The following SGCG variants were observed in gnomAD, a reference collection of about 807,000 sequenced individuals.
SGCG encodes the protein sarcoglycan gamma.
Under a neutral mutation model 29.3 loss-of-function variants are expected in SGCG, and 26 were observed. That is an observed-to-expected ratio of 0.89 (90% CI 0.65 to 1.23). SGCG has a LOEUF of 1.23. SGCG is among the 50% of genes most tolerant of loss of function. The pLI, the probability that SGCG is intolerant of heterozygous loss-of-function variation, is 0.00. For missense variants in SGCG, 353 were observed against 356.0 expected, an observed-to-expected ratio of 0.99 and a Z score of 0.07; for synonymous variants, 145 against 129.7, an observed-to-expected ratio of 1.12 and a Z score of -0.80.
At chr13:23,251,757 AC>A (rs2137570713) in intron 4 of SGCG, among the ~76,000 whole-genome samples, 1 of 152,236 alleles carries the variant, frequency 6.6e-6, no homozygotes, top group African/African-American at 2.4e-5. Flanking sequence ...AATAAGAATA[AC>A]GAAGATATAT....
chr13:23,256,706 ACTCATC>A (rs1319635941), intron 4 of SGCG, among the ~76,000 whole-genome samples: 4 of 152,084 alleles, frequency 2.6e-5, no homozygotes, highest in Non-Finnish European at 5.9e-5. Flanking sequence ...AAGGACATGA[ACTCATC>A]CTTTTTTATG....
intron 6 of SGCG, among the ~76,000 whole-genome samples, chr13:23,311,630 G>T (rs865822900): frequency 5.9e-5 from 9 of 152,306 alleles, no homozygotes; most frequent in Non-Finnish European, 1.0e-4. Context: ...AGGCTGACAT[G>T]TGCTACTTAT....
the SGCG span, among the ~76,000 whole-genome samples, chr13:23,166,769 T>C: frequency 0.22 from 32,823 of 152,092 alleles, 4,168 homozygotes; most frequent in Middle Eastern, 0.35. Context: ...AAACCTTTTT[T>C]ATTTGTAAGG....
chr13:23,279,172 A>G (rs896257148), intron 4 of SGCG, among the ~76,000 whole-genome samples, 187 bp from the exon 5 acceptor site: 3 of 152,208 alleles, frequency 2.0e-5, no homozygotes, highest in Non-Finnish European at 4.4e-5. Flanking sequence ...ATTAATTTTA[A>G]TAATACAATA....
At chr13:23,285,627 T>C (rs1881468063) in intron 5 of SGCG, among the ~76,000 whole-genome samples, 1 of 152,154 alleles carries the variant, frequency 6.6e-6, no homozygotes, top group African/African-American at 2.4e-5. Flanking sequence ...TGGTTCTGTC[T>C]TGCTGGCATT....
At chr13:23,210,670 G>A (rs1021365359) in intron 2 of SGCG, among the ~76,000 whole-genome samples, 7 of 152,206 alleles carry the variant, frequency 4.6e-5, no homozygotes, top group East Asian at 1.9e-4. Flanking sequence ...CAGCCTGGGC[G>A]ACAGAGCAAG....
chr13:23,262,141 G>T (rs901189700), intron 4 of SGCG, among the ~76,000 whole-genome samples: 1 of 151,838 alleles, frequency 6.6e-6, no homozygotes, highest in African/African-American at 2.4e-5. Context: ...ATGATAACTC[G>T]AACAGTACCT....
chr13:23,220,811 G>C (rs1878629095), intron 2 of SGCG, among the ~76,000 whole-genome samples: 3 of 152,162 alleles, frequency 2.0e-5, no homozygotes, highest in Non-Finnish European at 2.9e-5. Context: ...AAAGGGGAGT[G>C]AGTTAGTCTC....
intron 6 of SGCG, among the ~76,000 whole-genome samples, chr13:23,317,910 T>G (rs183308666): frequency 6.6e-6 from 1 of 152,284 alleles, no homozygotes; most frequent in African/African-American, 2.4e-5. Flanking sequence ...GAGATTATCA[T>G]TGGAGTTAGT....
At chr13:23,178,918 C>T (rs1876641282), upstream of SGCG, among the ~76,000 whole-genome samples, 1 of 152,084 alleles carries the variant, frequency 6.6e-6, no homozygotes, top group South Asian at 2.1e-4. Context: ...TAACTGATGA[C>T]TGCAGTAGTC....
At chr13:23,293,929 AT>A (rs1340335383) in intron 5 of SGCG, among the ~76,000 whole-genome samples, 4 of 152,248 alleles carry the variant, frequency 2.6e-5, no homozygotes, top group African/African-American at 9.6e-5. Context: ...TACCCAGGCA[AT>A]TTTTCTTCAG....
chr13:23,191,308 C>T (rs1025496236), intron 1 of SGCG, among the ~76,000 whole-genome samples: 1 of 151,954 alleles, frequency 6.6e-6, no homozygotes, highest in Admixed American at 6.5e-5. Context: ...TTTAGTAAGA[C>T]CTCAGACTGG....
chr13:23,261,357 A>G (rs1465761188), intron 4 of SGCG, among the ~76,000 whole-genome samples: 1 of 152,086 alleles, frequency 6.6e-6, no homozygotes, highest in Non-Finnish European at 1.5e-5. Context: ...AGGGAACTAT[A>G]AAATGCAGTG....
chr13:23,178,633 AC>A (rs1233607216), upstream of SGCG, among the ~76,000 whole-genome samples: 6 of 152,166 alleles, frequency 3.9e-5, no homozygotes, highest in Non-Finnish European at 5.9e-5. Flanking sequence ...TCAATTGACA[AC>A]CCAAATCATT....
intron 4 of SGCG, among the ~76,000 whole-genome samples, chr13:23,275,570 A>G (rs1223996360): frequency 6.6e-6 from 1 of 152,020 alleles, no homozygotes; most frequent in African/African-American, 2.4e-5. Flanking sequence ...GCATATGATT[A>G]TCAGGGACAT....
At chr13:23,292,119 C>T (rs80023373) in intron 5 of SGCG, among the ~76,000 whole-genome samples, 11 of 147,464 alleles carry the variant, frequency 7.5e-5, no homozygotes, top group East Asian at 2.0e-4. Flanking sequence ...ACATTTCTTT[C>T]TTTTTTTTGA....
rs1878508999 is a variant in SGCG, at chr13:23,218,305, A to G, written c.195+14416A>G. On this transcript the variant is annotated intron_variant, in intron 2 of 7. Coordinates refer to ENST00000218867, the MANE Select transcript of SGCG (RefSeq NM_000231.3). ...GAAAAATCACACATCATACTGGAAG[A>G]TATATGTAAGTTCTTTATAAAACTA... Among the ~76,000 whole-genome samples, 3 of 152,202 alleles carry G rather than the reference A, an allele frequency of 2.0e-5. No individual in the cohort carries two copies. In the South Asian group the frequency reaches 6.2e-4, roughly 32 times the overall value.
chr13:23,186,970 C>T (rs995266942), intron 1 of SGCG, among the ~76,000 whole-genome samples: 1 of 152,158 alleles, frequency 6.6e-6, no homozygotes, highest in Admixed American at 6.5e-5. Flanking sequence ...CCCTGGCCAC[C>T]GAGTGGCTGC....
chr13:23,281,650 A>T (rs2077964), intron 5 of SGCG, among the ~76,000 whole-genome samples: 11,235 of 152,194 alleles, frequency 0.074, 493 homozygotes, highest in South Asian at 0.13. Context: ...AGTGTGGGAG[A>T]TGGTTTTGGG....
Sources: gnomAD v4.1 joint callset for allele counts (sites outside exome capture counted in the v4.1 genomes callset) on GRCh38, gnomAD v4.1.1 for gene constraint, MANE v1.5 for transcripts, NCBI Gene and HGNC (gene_info 2026-07-23, HGNC 2026-07-21) for gene names.